FTSJ3: variants seen among roughly 807,000 people sequenced by gnomAD.
FTSJ3 encodes the protein pre-rRNA 2'-O-ribose RNA methyltransferase FTSJ3.
Under a neutral mutation model 111.5 loss-of-function variants are expected in FTSJ3, and 46 were observed. That is an observed-to-expected ratio of 0.41 (90% CI 0.33 to 0.53). The LOEUF (loss-of-function observed/expected upper bound fraction) is 0.53, where lower values mean the gene tolerates loss of function less well. Ranked by LOEUF, FTSJ3 falls within the 20% of genes least tolerant of loss-of-function variation. FTSJ3 has a pLI of 0.19. For synonymous variants in FTSJ3, 408 were observed against 383.0 expected, an observed-to-expected ratio of 1.07 and a Z score of -0.76; for missense variants, 1,075 against 1,063.8, an observed-to-expected ratio of 1.01 and a Z score of -0.15.
chr17:63,825,933 C>A (rs1395497957), intron 5 of FTSJ3, 123 bp downstream of exon 5: 1 of 785,776 alleles, frequency 1.3e-6, no homozygotes, highest in Non-Finnish European at 2.1e-6. Context: ...TAGGTCTTGT[C>A]GTACAGATGT....
chr17:63,823,487 C>T (rs1260013556), intron 13 of FTSJ3: 5 of 199,674 alleles, frequency 2.5e-5, no homozygotes, highest in South Asian at 1.2e-4. Context: ...CCCAGCTACT[C>T]GGGAGGCTGA....
At chr17:63,823,593 T>C (rs2040069818) in intron 13 of FTSJ3, 1 of 421,002 alleles carries the variant, frequency 2.4e-6, no homozygotes, top group Non-Finnish European at 3.9e-6. Flanking sequence ...AGACTCCGTC[T>C]CAAAAAAAAA....
chr17:63,822,638 T>C (rs190489976), intron 13 of FTSJ3, among the ~76,000 whole-genome samples: 28 of 152,320 alleles, frequency 1.8e-4, no homozygotes, highest in African/African-American at 6.7e-4. Context: ...ATGGTAAAGA[T>C]ACTAGGCTGG....
rs1274215977 is a variant in FTSJ3 at position 63,819,563 on chromosome 17, AAG to A, written c.*237_*238del. 2.1e-6 allele frequency: 1 copy of A among 476,596 alleles called. No homozygotes were observed. Among genetic ancestry groups the A allele is most frequent in the East Asian group, 3.2e-5 (1 of 31,448 alleles). 29.5% of individuals were successfully genotyped at this position (476,596 alleles called of 1,614,324 possible). ...GAACTTCCCTTTAACGGTTTAAAAA[AAG>A]GGTCATGAGTGTCAACACAGTTCAG... On this transcript the variant is annotated 3_prime_UTR_variant, in exon 21 of 21. Coordinates refer to ENST00000427159, the MANE Select transcript of FTSJ3 (RefSeq NM_017647.4).
rs910676091 is a variant in FTSJ3, at chr17:63,825,699, T to A, written c.301-64A>T. On this transcript the variant is annotated intron_variant, in intron 5 of 20. Transcript: ENST00000427159. ...GGAATGGCCCTGGTTCAGCCATTTG[T>A]CCATCTAGTCATTTGCTGAGTGCCC... 4 of 1,437,486 alleles carry A rather than the reference T, an allele frequency of 2.8e-6. No homozygotes were observed. In the Admixed American group the frequency reaches 5.2e-5, roughly 19 times the overall value. The allele number at this position is 1,437,486 out of a possible 1,614,324, so 89.0% of individuals were successfully genotyped here. A position where few individuals can be genotyped will look rare whatever the true frequency, so the allele number is the denominator to read the frequency against.
intron 13 of FTSJ3, 105 bp downstream of exon 13, chr17:63,823,712 C>T (rs1208217597): frequency 8.4e-6 from 11 of 1,308,974 alleles, no homozygotes; most frequent in Admixed American, 2.0e-5. Context: ...ACAGCAACCA[C>T]AGCCTATCGT....
Position 63,824,202 on chromosome 17 carries a change from C to T in FTSJ3, c.1036G>A (p.Asp346Asn). Residue 346 changes from aspartate to asparagine, a missense_variant, in exon 12 of 21, where the codon GAC (aspartate) becomes AAC (asparagine). This residue lies in a region of FTSJ3 where 867 missense variants were observed against 796.9 expected (regional missense o/e 1.09). Transcript: ENST00000427159. ...SGEEDEGDEE[D>N]STAGTTKQPS... Reference sequence around the variant, plus strand: ...TGCTTTGTGGTTCCAGCTGTTGAGTCCTCCTCATCACCTTCATCTTCCTCT... The same window carrying T: ...TGCTTTGTGGTTCCAGCTGTTGAGTTCTCCTCATCACCTTCATCTTCCTCT... 6.2e-7 allele frequency: 1 copy of T among 1,614,174 alleles called. No homozygotes were observed. The highest frequency in any genetic ancestry group is 8.5e-7 in the Non-Finnish European group (1 of 1,180,028).
Position 63,827,659 on chromosome 17 carries a change from G to C in FTSJ3, c.-634C>G. 1 of 1,494,078 alleles carries C rather than the reference G, an allele frequency of 6.7e-7. No individual in the cohort carries two copies. Among genetic ancestry groups the C allele is most frequent in the Non-Finnish European group, 8.9e-7 (1 of 1,118,910 alleles). The allele number at this position is 1,494,078 out of a possible 1,614,324, so 92.6% of individuals were successfully genotyped here. ...CCATGCTGGACGCTGCCTGCGACCG[G>C]ATCTGCTGTGTCAGCGCCGCCCTCG... On this transcript the variant is annotated 5_prime_UTR_variant, in exon 1 of 21. In the 5' UTR this introduces an upstream ATG that the reference lacks. Coordinates refer to ENST00000427159, the MANE Select transcript of FTSJ3 (RefSeq NM_017647.4).
intron 13 of FTSJ3, 121 bp downstream of exon 13, chr17:63,823,696 G>C: frequency 8.9e-7 from 1 of 1,126,988 alleles, no homozygotes; most frequent in Non-Finnish European, 1.3e-6. Flanking sequence ...GCACCCTGTG[G>C]TGAAGACAGC....
At chr17:63,820,207 A>ACCCCCCCCCC in intron 19 of FTSJ3, 34 bp from the exon 20 acceptor site, 6 of 310,962 alleles carry the variant, frequency 1.9e-5, no homozygotes, top group South Asian at 5.9e-5. Context: ...CCTCTTCCCC[A>ACCCCCCCCCC]TCCCCCCACC....
chr17:63,821,349 C>T lies in FTSJ3; in HGVS notation c.1886+5G>A. 6.3e-7 allele frequency: 1 copy of T among 1,597,944 alleles called. No individual in the cohort carries two copies. Among genetic ancestry groups the T allele is most frequent in the Non-Finnish European group, 8.5e-7 (1 of 1,171,204 alleles). Reference sequence around the variant, plus strand: ...CCATCCCTTCTCTCAGCTGCAACTACTCACCTCTCTTCTTCCTCACTGCTA... The same window carrying T: ...CCATCCCTTCTCTCAGCTGCAACTATTCACCTCTCTTCTTCCTCACTGCTA... On this transcript the variant is annotated splice_donor_5th_base_variant and intron_variant, in intron 16 of 20. Coordinates refer to ENST00000427159, the MANE Select transcript of FTSJ3 (RefSeq NM_017647.4).
At position 63,821,625 on chromosome 17, in the gene FTSJ3, C is replaced by G. The variant is rs2040052605; in HGVS notation, c.1615G>C (p.Glu539Gln). The change falls in exon 16 of 21, where the codon GAG becomes CAG. Residue 539 changes from glutamate (E) to glutamine (Q), a missense_variant. By Grantham distance (29) the Glu-to-Gln change is conservative (BLOSUM62 2). Around this residue, in one of 2 missense-constraint regions of FTSJ3, gnomAD observed 867 missense variants for 796.9 expected, o/e 1.09. Transcript: ENST00000427159. ...TCCAGGGCCTCATCGGCATCGTCCT[C>G]GATCCCAGCAAAGCTGCCCTGTGAT... Reference protein sequence around the residue: ...WFSKGSFAGIEDDADEALEIS... With the variant: ...WFSKGSFAGIQDDADEALEIS... 1 of 1,613,354 alleles carries G rather than the reference C, an allele frequency of 6.2e-7. No homozygotes were observed. Among genetic ancestry groups the G allele is most frequent in the Non-Finnish European group, 8.5e-7 (1 of 1,179,382 alleles).
intron 8 of FTSJ3, 57 bp downstream of exon 8, chr17:63,824,990 AG>A: frequency 6.3e-7 from 1 of 1,585,554 alleles, no homozygotes; most frequent in Non-Finnish European, 8.6e-7. Flanking sequence ...AGGACCCACC[AG>A]GCCCAACCTC....
rs374523544 is a variant in FTSJ3, at chr17:63,821,880, C to G, written c.1476-37G>C. 54 of 1,613,950 alleles carry G rather than the reference C, an allele frequency of 3.3e-5. No homozygotes were observed. In the East Asian group the frequency reaches 6.5e-4, roughly 19 times the overall value. On this transcript the variant is annotated intron_variant, in intron 14 of 20. Transcript: ENST00000427159. The stretch of plus-strand genomic sequence containing the variant: ...AAGGAAAGTAGGGGGCTCAGAGACC[C>G]AGATTGCCTGGAGCCCTTGCTGCCC...
In FTSJ3 at chr17:63,827,405, G is replaced by T; in HGVS notation, c.-380C>A. The T allele has an allele frequency of 6.5e-7, 1 of 1,542,118 alleles. No individual in the cohort carries two copies. Among genetic ancestry groups the T allele is most frequent in the Admixed American group, 2.0e-5 (1 of 50,952 alleles). Reference sequence around the variant, plus strand: ...GCCCATTGACCCGGAATTCTTCTCTGCCTGGTCTTCAGGTCCCAATCCTCC... The same window carrying T: ...GCCCATTGACCCGGAATTCTTCTCTTCCTGGTCTTCAGGTCCCAATCCTCC... On this transcript the variant is annotated 5_prime_UTR_variant, in exon 1 of 21. Coordinates refer to ENST00000427159, the MANE Select transcript of FTSJ3 (RefSeq NM_017647.4).
intron 16 of FTSJ3, 90 bp downstream of exon 16, chr17:63,821,264 T>C (rs1369914301): frequency 1.1e-5 from 16 of 1,498,382 alleles, no homozygotes; most frequent in Admixed American, 5.5e-5. Context: ...ACCCTCCCCA[T>C]GTGCAGCCAA....
intron 5 of FTSJ3, 87 bp downstream of exon 5, chr17:63,825,969 G>A (rs1223636275): frequency 8.6e-7 from 1 of 1,158,102 alleles, no homozygotes. Flanking sequence ...TCAAAGCACG[G>A]TAAAAAGGAA....
chr17:63,820,839 C>A lies in FTSJ3; in HGVS notation c.2072G>T (p.Arg691Leu). ...KRDLIDNSFN[R>L]YTFNEDEGEL... Reference sequence around the variant, plus strand: ...CTTGATGAGTTTATGGCCCCTTTACCGGTTGAAGGAGTTATCTATGAGGTC... The same window carrying A: ...CTTGATGAGTTTATGGCCCCTTTACAGGTTGAAGGAGTTATCTATGAGGTC... The change falls in exon 18 of 21, where the codon CGG (arginine) becomes CTG (leucine). Residue 691 changes from arginine to leucine, a missense_variant and splice_region_variant. Arg to Leu is a moderately radical substitution (Grantham distance 102). Around this residue, in one of 2 missense-constraint regions of FTSJ3, gnomAD observed 867 missense variants for 796.9 expected, o/e 1.09. Coordinates refer to ENST00000427159, the MANE Select transcript of FTSJ3 (RefSeq NM_017647.4). 2 of 1,609,202 alleles carry A rather than the reference C, an allele frequency of 1.2e-6. No individual in the cohort carries two copies. The highest frequency in any genetic ancestry group is 1.7e-6 in the Non-Finnish European group (2 of 1,175,640).
chr17:63,819,679 C>T lies in FTSJ3; in HGVS notation c.*123G>A. 2.2e-6 allele frequency: 2 copies of T among 916,202 alleles called. No homozygotes were observed. Among genetic ancestry groups the T allele is most frequent in the South Asian group, 3.3e-5 (2 of 60,964 alleles). 56.8% of individuals were successfully genotyped at this position (916,202 alleles called of 1,614,324 possible). A position where few individuals can be genotyped will look rare whatever the true frequency, so the allele number is the denominator to read the frequency against. The stretch of plus-strand genomic sequence containing the variant: ...CACGGGAGTTCTAGGCACTCCACCT[C>T]ACTGTTCTTCAGACAGCTGTGATGT... On this transcript the variant is annotated 3_prime_UTR_variant, in exon 21 of 21. Transcript: ENST00000427159.
Sources: gnomAD v4.1 joint callset for allele counts (sites outside exome capture counted in the v4.1 genomes callset) on GRCh38, gnomAD v4.1.1 for gene constraint, gnomAD v4.1.1 regional missense constraint, MANE v1.5 for transcripts, NCBI Gene and HGNC (gene_info 2026-07-23, HGNC 2026-07-21) for gene names.